Variants in TASP1 observed in about 807,000 individuals in gnomAD.
TASP1 encodes taspase 1.
TASP1 carries 16 observed loss-of-function variants against 56.6 expected under a neutral mutation model. The observed-to-expected ratio is 0.28, with a 90% CI of 0.19 to 0.43. The LOEUF is 0.43. Among genes scored for constraint, TASP1 ranks in the 20% least tolerant of loss-of-function variants. The pLI, the probability that TASP1 is intolerant of heterozygous loss-of-function variation, is 1.00. For synonymous variants in TASP1, 179 were observed against 184.2 expected, an observed-to-expected ratio of 0.97 and a Z score of 0.23; for missense variants, 393 against 511.6, an observed-to-expected ratio of 0.77 and a Z score of 2.24.
At chr20:13,170,905 G>A in the TASP1 span, among the ~76,000 whole-genome samples, 21,465 of 152,140 alleles carry the variant, frequency 0.14, 1,566 homozygotes, top group East Asian at 0.2. Context: ...GCATAAGGAA[G>A]ACCAAAGGAT....
chr20:13,311,259 A>AGATAGAT, the TASP1 span, among the ~76,000 whole-genome samples: 1 of 115,354 alleles, frequency 8.7e-6, no homozygotes, highest in African/African-American at 3.2e-5. Context: ...ATAGATAGAT[A>AGATAGAT]GATAGATAGA....
At chr20:13,330,674 T>C in the TASP1 span, among the ~76,000 whole-genome samples, 17 of 152,352 alleles carry the variant, frequency 1.1e-4, no homozygotes, top group African/African-American at 4.1e-4. Flanking sequence ...TTTTAAACTA[T>C]GGATTCAATG....
intron 11 of TASP1, among the ~76,000 whole-genome samples, chr20:13,466,855 C>T (rs1332921123): frequency 2.0e-5 from 3 of 152,120 alleles, no homozygotes; most frequent in Non-Finnish European, 2.9e-5. Context: ...ACAGCAGTGG[C>T]AGCTCACATG....
chr20:13,452,895 G>A (rs2043677228), intron 11 of TASP1, among the ~76,000 whole-genome samples: 1 of 152,048 alleles, frequency 6.6e-6, no homozygotes. Context: ...CTCAGAATAT[G>A]GCAGACACTT....
At chr20:13,385,799 C>A (rs1015427129), downstream of TASP1, among the ~76,000 whole-genome samples, 1 of 152,234 alleles carries the variant, frequency 6.6e-6, no homozygotes, top group Non-Finnish European at 1.5e-5. Context: ...AACTGCGAAA[C>A]ACATATTCGG....
the TASP1 span, among the ~76,000 whole-genome samples, chr20:13,119,562 T>G: frequency 2.0e-5 from 3 of 152,246 alleles, no homozygotes; most frequent in African/African-American, 7.2e-5. Context: ...TTCTTATCTC[T>G]TAAAATGCTC....
chr20:13,627,568 T>A lies in TASP1; in HGVS notation c.146-2316A>T, dbSNP rs577390844. 5.9e-5 allele frequency among the ~76,000 whole-genome samples: 9 copies of A among 152,104 alleles called. No homozygotes were observed. The South Asian group carries it at 1.9e-3, about 32-fold the overall frequency. ...GAGTTTGAGAGCAGCCTGGCCAACA[T>A]GGTGAAACCCCATTTCTACTAAACA... On this transcript the variant is annotated intron_variant, in intron 2 of 13. Coordinates refer to ENST00000337743, the MANE Select transcript of TASP1 (RefSeq NM_017714.3).
intron 11 of TASP1, among the ~76,000 whole-genome samples, chr20:13,463,329 T>C (rs75073829): frequency 0.017 from 2,559 of 152,188 alleles, 71 homozygotes; most frequent in African/African-American, 0.056. Context: ...AGGAATTAAG[T>C]TGGACCCTTG....
intron 13 of TASP1, 126 bp downstream of exon 13, chr20:13,417,322 C>T (rs1367561112): frequency 2.5e-6 from 2 of 816,018 alleles, no homozygotes; most frequent in Non-Finnish European, 2.0e-6. Context: ...TATTCGGATG[C>T]TTATGAAGAC....
the TASP1 span, chr20:13,221,790 C>A: frequency 6.9e-7 from 1 of 1,451,308 alleles, no homozygotes; most frequent in Non-Finnish European, 9.0e-7. Context: ...GTGCGCCTGG[C>A]GGCCGAGCTG....
chr20:13,293,922 C>T, the TASP1 span, among the ~76,000 whole-genome samples: 3 of 150,760 alleles, frequency 2.0e-5, no homozygotes, highest in East Asian at 1.9e-4. Context: ...TGCAGTGAGT[C>T]GAGATCACAC....
chr20:13,258,479 C>G, the TASP1 span, among the ~76,000 whole-genome samples: 1 of 152,110 alleles, frequency 6.6e-6, no homozygotes, highest in Non-Finnish European at 1.5e-5. Context: ...CTTAGTTACC[C>G]ACTTGGAGGG....
At chr20:13,301,733 C>T in the TASP1 span, among the ~76,000 whole-genome samples, 761 of 152,078 alleles carry the variant, frequency 5.0e-3, 5 homozygotes, top group Non-Finnish European at 4.9e-3. Context: ...CAATGGAATG[C>T]ATTGCCTTTG....
the TASP1 span, among the ~76,000 whole-genome samples, chr20:13,160,394 A>G: frequency 6.6e-6 from 1 of 152,208 alleles, no homozygotes; most frequent in Admixed American, 6.5e-5. Flanking sequence ...TGAGTAGCCA[A>G]ATGTTCTTCT....
chr20:13,635,383 ATTTC>A, intron 1 of TASP1, among the ~76,000 whole-genome samples: 1 of 134,694 alleles, frequency 7.4e-6, no homozygotes, highest in African/African-American at 3.1e-5. Flanking sequence ...TCCTTCAGCA[ATTTC>A]TTTTTTTTTT....
chr20:13,210,575 A>G, the TASP1 span, among the ~76,000 whole-genome samples: 3 of 151,560 alleles, frequency 2.0e-5, no homozygotes, highest in Non-Finnish European at 2.9e-5. Context: ...GTATATTTGC[A>G]TGTGCAGATA....
the TASP1 span, among the ~76,000 whole-genome samples, chr20:13,371,648 A>C: frequency 6.6e-6 from 1 of 152,074 alleles, no homozygotes; most frequent in Non-Finnish European, 1.5e-5. Context: ...TGTTCTATTG[A>C]TGTCTATTAG....
chr20:13,519,369 A>T (rs2044652577), intron 10 of TASP1, among the ~76,000 whole-genome samples: 1 of 151,974 alleles, frequency 6.6e-6, no homozygotes, highest in Non-Finnish European at 1.5e-5. Context: ...ATAAAGGACA[A>T]CTCAAATTAG....
At chr20:13,606,133 G>A (rs545637142) in intron 4 of TASP1, among the ~76,000 whole-genome samples, 18 of 90,604 alleles carry the variant, frequency 2.0e-4, no homozygotes, top group South Asian at 1.1e-3. Context: ...ATGTGTGTGC[G>A]TGCGTGTGTG....
Sources: allele counts gnomAD v4.1 joint callset (sites outside exome capture counted in the v4.1 genomes callset), GRCh38; gene constraint gnomAD v4.1.1; transcripts MANE v1.5; gene names NCBI Gene and HGNC (gene_info 2026-07-23, HGNC 2026-07-21).